NKAIN2: variants seen among roughly 807,000 people sequenced by gnomAD.
The protein encoded by NKAIN2 is sodium/potassium transporting ATPase interacting 2.
In NKAIN2, 14 loss-of-function variants were observed where a neutral mutation model predicts 32.6. That is an observed-to-expected ratio of 0.43 (90% CI 0.28 to 0.67). NKAIN2 has a LOEUF of 0.67. NKAIN2 is among the 30% of genes least tolerant of loss of function. NKAIN2 has a pLI of 0.17. For synonymous variants in NKAIN2, 80 were observed against 87.2 expected (o/e 0.92, Z 0.46); for missense variants, 198 against 258.3 (o/e 0.77, Z 1.60).
intron 3 of NKAIN2, among the ~76,000 whole-genome samples, chr6:124,385,629 C>G (rs1772864245): frequency 6.6e-6 from 1 of 152,054 alleles, no homozygotes; most frequent in Non-Finnish European, 1.5e-5. Context: ...CTTGTTCTTC[C>G]ACTATAATTC....
chr6:123,977,185 A>G (rs534162724), intron 1 of NKAIN2, among the ~76,000 whole-genome samples: 6 of 152,256 alleles, frequency 3.9e-5, no homozygotes, highest in African/African-American at 1.2e-4. Context: ...TATGCTACCC[A>G]GGCTGGTCTT....
At chr6:124,180,888 G>T (rs1215383052) in intron 1 of NKAIN2, among the ~76,000 whole-genome samples, 1 of 152,130 alleles carries the variant, frequency 6.6e-6, no homozygotes, top group African/African-American at 2.4e-5. Context: ...CTATCGTGGG[G>T]TCTGGAGGAT....
chr6:123,934,734 A>G (rs920307926), intron 1 of NKAIN2, among the ~76,000 whole-genome samples: 4 of 152,136 alleles, frequency 2.6e-5, no homozygotes, highest in African/African-American at 7.2e-5. Context: ...GAAGGAATTT[A>G]CATTCAAAAT....
At chr6:123,895,833 C>T (rs887426679) in intron 1 of NKAIN2, among the ~76,000 whole-genome samples, 1 of 152,192 alleles carries the variant, frequency 6.6e-6, no homozygotes, top group Non-Finnish European at 1.5e-5. Flanking sequence ...AACAAACAGA[C>T]ATTGGACTCG....
At chr6:124,233,916 C>G (rs960497480) in intron 1 of NKAIN2, among the ~76,000 whole-genome samples, 1 of 152,090 alleles carries the variant, frequency 6.6e-6, no homozygotes. Context: ...ATAATGTTTT[C>G]CCCCATTAGT....
intron 4 of NKAIN2, among the ~76,000 whole-genome samples, chr6:124,717,626 T>G (rs1775813512): frequency 6.6e-6 from 1 of 152,192 alleles, no homozygotes; most frequent in South Asian, 2.1e-4. Flanking sequence ...AGCCTTAATA[T>G]GTGTAGACAT....
intron 3 of NKAIN2, among the ~76,000 whole-genome samples, chr6:124,608,493 T>C (rs682061): frequency 0.99 from 150,359 of 152,228 alleles, 74,295 homozygotes; most frequent in East Asian, 1. Context: ...TAGATCAGGC[T>C]ACATGGTCAT....
chr6:123,899,176 G>A (rs1269482086), intron 1 of NKAIN2, among the ~76,000 whole-genome samples: 1 of 152,144 alleles, frequency 6.6e-6, no homozygotes, highest in African/African-American at 2.4e-5. Flanking sequence ...CAGATAAATT[G>A]GCTTTGGCCA....
chr6:124,304,836 C>T (rs879771066), intron 2 of NKAIN2, among the ~76,000 whole-genome samples: 1 of 152,094 alleles, frequency 6.6e-6, no homozygotes, highest in East Asian at 1.9e-4. Context: ...CTCACTTAAA[C>T]CCAGGAGGTG....
At chr6:124,500,378 G>T (rs894145437) in intron 3 of NKAIN2, among the ~76,000 whole-genome samples, 1 of 152,020 alleles carries the variant, frequency 6.6e-6, no homozygotes, top group Admixed American at 6.6e-5. Flanking sequence ...GCCAGGTGCG[G>T]TGGCTCGTTA....
intron 3 of NKAIN2, among the ~76,000 whole-genome samples, chr6:124,494,506 T>G (rs928190420): frequency 5.9e-5 from 9 of 152,108 alleles, no homozygotes; most frequent in Admixed American, 6.6e-5. Flanking sequence ...AGGGCTCTCA[T>G]GAACTTAATA....
At chr6:124,512,335 A>C (rs1231008027) in intron 3 of NKAIN2, among the ~76,000 whole-genome samples, 2 of 152,158 alleles carry the variant, frequency 1.3e-5, no homozygotes, top group Admixed American at 1.3e-4. Context: ...CTTGTCTCTT[A>C]TTGGCAAATC....
At chr6:123,993,803 T>A (rs1779506611) in intron 1 of NKAIN2, among the ~76,000 whole-genome samples, 1 of 152,196 alleles carries the variant, frequency 6.6e-6, no homozygotes, top group African/African-American at 2.4e-5. Context: ...CATTTTGTAT[T>A]AAGAATCACA....
At position 124,433,676 on chromosome 6, in the gene NKAIN2, A is replaced by G. The variant is rs115627752; in HGVS notation, c.273+78329A>G. 4.3e-3 allele frequency among the ~76,000 whole-genome samples: 659 copies of G among 152,232 alleles called. 5 individuals carry two copies. The highest frequency in any genetic ancestry group is 0.015 in the African/African-American group (620 of 41,552). ...GCTGGGGAATGGGAAGGGGGCTGAG[A>G]TTTGGTGCCAGGTGAATCGGCACTA... is the stretch of plus-strand genomic sequence containing the variant. On this transcript the variant is annotated intron_variant, in intron 3 of 6. Transcript: ENST00000368417.
At chr6:124,109,556 G>T (rs1220321367) in intron 1 of NKAIN2, among the ~76,000 whole-genome samples, 2 of 151,912 alleles carry the variant, frequency 1.3e-5, no homozygotes, top group East Asian at 1.9e-4. Flanking sequence ...CATGTAAGAT[G>T]GAGTCGGAAT....
intron 4 of NKAIN2, among the ~76,000 whole-genome samples, chr6:124,757,130 ACT>A (rs1778001585): frequency 6.6e-6 from 1 of 152,194 alleles, no homozygotes; most frequent in Admixed American, 6.5e-5. Context: ...GCAAAGAGCA[ACT>A]CTGCTGCTAT....
At chr6:124,101,806 G>A (rs540968822) in intron 1 of NKAIN2, among the ~76,000 whole-genome samples, 5 of 152,232 alleles carry the variant, frequency 3.3e-5, no homozygotes, top group East Asian at 1.9e-4. Context: ...AAGCAGATGC[G>A]GATGTGAGCC....
At chr6:124,269,007 T>C (rs1385681922) in intron 1 of NKAIN2, among the ~76,000 whole-genome samples, 2 of 152,180 alleles carry the variant, frequency 1.3e-5, no homozygotes, top group East Asian at 3.8e-4. Flanking sequence ...AATAGTAGTA[T>C]GTAAAATATG....
intron 4 of NKAIN2, among the ~76,000 whole-genome samples, chr6:124,714,310 T>C (rs963352589): frequency 4.6e-5 from 7 of 152,224 alleles, no homozygotes. Context: ...AGCTATTTGA[T>C]TGATAAATCT....
Sources: allele counts gnomAD v4.1 joint callset (sites outside exome capture counted in the v4.1 genomes callset), GRCh38; gene constraint gnomAD v4.1.1; transcripts MANE v1.5; gene names NCBI Gene and HGNC (gene_info 2026-07-23, HGNC 2026-07-21).